The following LIFR variants were observed in gnomAD, a reference collection of about 807,000 sequenced individuals.
LIFR encodes the protein leukemia inhibitory factor receptor.
In LIFR, 84 loss-of-function variants were observed where a neutral mutation model predicts 122.2. The ratio of observed to expected loss-of-function variants is 0.69; its 90% CI spans 0.58 to 0.82. LIFR has a LOEUF of 0.82. LIFR is among the 40% of genes least tolerant of loss of function. The pLI is 0.00. For synonymous variants in LIFR, 422 were observed against 434.7 expected (o/e 0.97, Z 0.36); for missense variants, 1,294 against 1,311.6 (o/e 0.99, Z 0.21).
rs563730002 is a variant in LIFR, at chr5:38,529,653, GA to G, written c.143-814del. 6.0e-4 allele frequency among the ~76,000 whole-genome samples: 92 copies of G among 152,104 alleles called. 2 individuals carry two copies. In the South Asian group the frequency reaches 0.01, roughly 17 times the overall value. ...AAAGAAGGGGGGTATAAGAGAGAGG[GA>G]AAGAGGGAAGAAAGGAGGGAAACAA... On this transcript the variant is annotated intron_variant, in intron 2 of 19. Transcript: ENST00000453190.
At position 38,601,840 on chromosome 5, in the gene LIFR, T is replaced by C. The variant is rs533840613; in HGVS notation, n.305+4365A>G. On this transcript the variant is annotated intron_variant and non_coding_transcript_variant, in intron 2 of 3. Transcript: ENST00000507786. ...CCTGTAAGTCTACCTATAAATTAAA[T>C]AAGAACCTAAAAATCAATATACCCC... is the stretch of plus-strand genomic sequence containing the variant. Among the ~76,000 whole-genome samples, 15 of 152,276 alleles carry C rather than the reference T, an allele frequency of 9.9e-5. No individual in the cohort carries two copies. In the East Asian group the frequency reaches 2.1e-3, roughly 22 times the overall value.
At chr5:38,562,799 A>G (rs566892941) in intron 1 of LIFR, among the ~76,000 whole-genome samples, 3 of 152,354 alleles carry the variant, frequency 2.0e-5, no homozygotes, top group Admixed American at 2.0e-4. Flanking sequence ...CAAAAAACCT[A>G]AAACTGCAGG....
intron 14 of LIFR, 101 bp downstream of exon 14, chr5:38,493,505 C>T (rs1399825163): frequency 1.8e-6 from 2 of 1,131,034 alleles, no homozygotes; most frequent in African/African-American, 3.1e-5. Context: ...TATTTATACC[C>T]ATCCAGCAGT....
At chr5:38,557,704 T>A (rs975789878), upstream of LIFR, 6 of 154,798 alleles carry the variant, frequency 3.9e-5, no homozygotes, top group African/African-American at 1.2e-4. Context: ...AAAATAACTC[T>A]TCCTTGTTGA....
intron 1 of LIFR, among the ~76,000 whole-genome samples, chr5:38,535,672 G>A (rs1273389687): frequency 6.6e-6 from 1 of 152,140 alleles, no homozygotes; most frequent in South Asian, 2.1e-4. Flanking sequence ...ATCCTTGAGA[G>A]CAAACACATC....
At chr5:38,545,393 T>C (rs1747824326) in intron 1 of LIFR, among the ~76,000 whole-genome samples, 1 of 152,156 alleles carries the variant, frequency 6.6e-6, no homozygotes, top group Admixed American at 6.5e-5. Flanking sequence ...CACATATATA[T>C]ATGCACAGAA....
At chr5:38,568,157 GAA>G (rs1749089501) in intron 1 of LIFR, among the ~76,000 whole-genome samples, 1 of 152,212 alleles carries the variant, frequency 6.6e-6, no homozygotes, top group Non-Finnish European at 1.5e-5. Flanking sequence ...TCTAGAGAGA[GAA>G]AGAGACCATG....
At position 38,496,565 on chromosome 5, in the gene LIFR, T is replaced by C. The variant is rs1490683910; in HGVS notation, c.1702A>G (p.Ile568Val). ...PLPINEANGK[I>V]LSYNVSCSSD... ...GAACACGATACATTGTAGGAAAGTA[T>C]TTTTCCATTAGCTTCATTAATGGGT... The change falls in exon 13 of 20, where the codon ATA becomes GTA. Residue 568 changes from isoleucine (I) to valine (V), a missense_variant. Coordinates refer to ENST00000453190, the MANE Select transcript of LIFR (RefSeq NM_001127671.2). The C allele has an allele frequency of 6.2e-7, 1 of 1,613,388 alleles. No individual in the cohort carries two copies. The highest frequency in any genetic ancestry group is 8.5e-7 in the Non-Finnish European group (1 of 1,179,452).
At chr5:38,507,777 A>C (rs1325226593) in intron 7 of LIFR, among the ~76,000 whole-genome samples, 1 of 151,912 alleles carries the variant, frequency 6.6e-6, no homozygotes, top group South Asian at 2.1e-4. Context: ...TTTTTTCACA[A>C]ATCTGAATTA....
At chr5:38,512,233 G>A (rs1411985578) in intron 5 of LIFR, among the ~76,000 whole-genome samples, 1 of 152,138 alleles carries the variant, frequency 6.6e-6, no homozygotes, top group African/African-American at 2.4e-5. Flanking sequence ...GAAAATGCAG[G>A]TTGAGTATCC....
intron 17 of LIFR, among the ~76,000 whole-genome samples, chr5:38,485,352 G>A (rs1744228209): frequency 6.6e-6 from 1 of 152,170 alleles, no homozygotes; most frequent in South Asian, 2.1e-4. Context: ...CAACTCAGGG[G>A]TAGAGGATAA....
intron 1 of LIFR, among the ~76,000 whole-genome samples, chr5:38,580,843 C>A (rs1393252586): frequency 1.3e-5 from 2 of 152,102 alleles, no homozygotes; most frequent in East Asian, 3.9e-4. Context: ...CCTCTGCAGC[C>A]CCATAAATAT....
chr5:38,603,969 A>C (rs945622780), intron 2 of LIFR, among the ~76,000 whole-genome samples: 4 of 152,224 alleles, frequency 2.6e-5, no homozygotes, highest in African/African-American at 9.6e-5. Context: ...CTCCAGCCAC[A>C]ATACCGGAGG....
intron 9 of LIFR, among the ~76,000 whole-genome samples, chr5:38,505,054 T>C (rs1430915547): frequency 1.3e-5 from 2 of 152,098 alleles, no homozygotes; most frequent in Middle Eastern, 6.3e-3. Flanking sequence ...ACCAAGCACA[T>C]TTTATTTTTA....
rs906456911 is a variant in LIFR at position 38,496,504 on chromosome 5, G to T, written c.1763C>A (p.Pro588His). ...TATCTCTGCTTTGTGCTGAGGATCA[G>T]GGATTTCAGAAAGGGACTGTGTTTC... is the stretch of plus-strand genomic sequence containing the variant. ...DEETQSLSEI[P>H]DPQHKAEIRL... Residue 588 changes from proline to histidine, a missense_variant, in exon 13 of 20, where the codon CCT becomes CAT. Transcript: ENST00000453190. The T allele has an allele frequency of 1.9e-6, 3 of 1,613,692 alleles. No individual in the cohort carries two copies. The highest frequency in any genetic ancestry group is 1.3e-5 in the African/African-American group (1 of 74,908).
chr5:38,528,434 G>A (rs1189829761), intron 3 of LIFR, among the ~76,000 whole-genome samples: 1 of 152,142 alleles, frequency 6.6e-6, no homozygotes. Context: ...TCTGAAGCAA[G>A]GTATGGCCAT....
At chr5:38,604,179 G>A (rs538136127) in intron 2 of LIFR, among the ~76,000 whole-genome samples, 144 of 152,302 alleles carry the variant, frequency 9.5e-4, no homozygotes, top group Non-Finnish European at 1.6e-3. Context: ...AGCATTTTCT[G>A]CAGTGGCTGA....
Position 38,607,110 on chromosome 5 carries a change from G to A in LIFR, n.204-804C>T, listed in dbSNP as rs375158854. Among the ~76,000 whole-genome samples the A allele has an allele frequency of 1.5e-4, 23 of 152,262 alleles. 1 individual carries two copies. The highest frequency in any genetic ancestry group is 6.8e-3 in the Middle Eastern group (2 of 294). On this transcript the variant is annotated intron_variant and non_coding_transcript_variant, in intron 1 of 3. Coordinates refer to the LIFR transcript ENST00000507786. ...TTTTTTAAAAATAGTATTTAGAAAT[G>A]AGATTATACACTGTTTGGTATCTTC...
At chr5:38,522,419 T>C (rs899944929) in intron 5 of LIFR, among the ~76,000 whole-genome samples, 2 of 152,206 alleles carry the variant, frequency 1.3e-5, no homozygotes, top group African/African-American at 4.8e-5. Flanking sequence ...CTATTCCCTA[T>C]CTTGGTTCTT....
Sources: allele counts gnomAD v4.1 joint callset (sites outside exome capture counted in the v4.1 genomes callset), GRCh38; gene constraint gnomAD v4.1.1; transcripts MANE v1.5; gene names NCBI Gene and HGNC (gene_info 2026-07-23, HGNC 2026-07-21).